The following LPCAT1 variants were observed in gnomAD, a reference collection of about 807,000 sequenced individuals.
LPCAT1 encodes the protein lysophosphatidylcholine acyltransferase 1.
LPCAT1 carries 23 observed loss-of-function variants against 60.9 expected under a neutral mutation model. That is an observed-to-expected ratio of 0.38 (90% CI 0.27 to 0.53). The LOEUF is 0.53. Ranked by LOEUF, LPCAT1 falls within the 20% of genes least tolerant of loss-of-function variation. LPCAT1 has a pLI of 0.82. For synonymous variants in LPCAT1, 340 were observed against 301.1 expected (o/e 1.13, Z -1.34); for missense variants, 622 against 723.6 (o/e 0.86, Z 1.61).
rs1273752451 is a variant in LPCAT1, at chr5:1,481,372, ACC to A, written c.727-398_727-397del. Among the ~76,000 whole-genome samples the A allele has an allele frequency of 2.6e-4, 39 of 152,266 alleles. No homozygotes were observed. The highest frequency in any genetic ancestry group is 8.9e-4 in the African/African-American group (37 of 41,536). ...CCTGGGGACACCAATTCCAGTGTGC[ACC>A]CGGGACCCCGGCCCTCTCCTGCCCA... On this transcript the variant is annotated intron_variant, in intron 6 of 13. Transcript: ENST00000283415. The surrounding 1 kb of genome is among the most constrained non-coding windows in gnomAD (Gnocchi z 7.8).
At chr5:1,497,378 G>A (rs971731624) in intron 2 of LPCAT1, among the ~76,000 whole-genome samples, 6 of 152,150 alleles carry the variant, frequency 3.9e-5, no homozygotes, top group South Asian at 2.1e-4. Flanking sequence ...AGGGGCAGGC[G>A]CAGGCCCCGG....
At chr5:1,509,700 A>G (rs1408550172) in intron 1 of LPCAT1, among the ~76,000 whole-genome samples, 3 of 152,206 alleles carry the variant, frequency 2.0e-5, no homozygotes, top group Admixed American at 6.5e-5. Flanking sequence ...CTTTATTCAT[A>G]TAACATGACT....
At chr5:1,467,555 C>G (rs536256029) in intron 12 of LPCAT1, among the ~76,000 whole-genome samples, 132 of 152,284 alleles carry the variant, frequency 8.7e-4, no homozygotes, top group African/African-American at 3.1e-3. Context: ...CGCCCGCTCC[C>G]CACAACTCCA....
At chr5:1,469,254 T>C (rs1734570694) in intron 12 of LPCAT1, among the ~76,000 whole-genome samples, 1 of 152,132 alleles carries the variant, frequency 6.6e-6, no homozygotes, top group Non-Finnish European at 1.5e-5. Context: ...GACCTCCTAG[T>C]GGCACATACC....
chr5:1,463,901 CTT>C, intron 13 of LPCAT1, 66 bp from the exon 14 acceptor site: 1 of 1,559,178 alleles, frequency 6.4e-7, no homozygotes, highest in Non-Finnish European at 8.8e-7. Flanking sequence ...TTTGGAGGCT[CTT>C]TTCCCACGGC....
chr5:1,466,827 C>G lies in LPCAT1; in HGVS notation c.1342G>C (p.Ala448Pro), dbSNP rs1263141946. Residue 448 changes from alanine (A) to proline (P), a missense_variant, in exon 13 of 14, where the codon GCC (alanine) becomes CCC (proline). Ala to Pro is a conservative substitution (Grantham distance 27). Coordinates refer to ENST00000283415, the MANE Select transcript of LPCAT1 (RefSeq NM_024830.5). ...EGDLSCILKT[A>P]LGVAELTVTD... ...ACGGTGAGCTCTGCCACCCCCAGGG[C>G]CGTCTTGAGGATGCAGGACAGGTCA... 6.2e-7 allele frequency: 1 copy of G among 1,613,542 alleles called. No homozygotes were observed. Among genetic ancestry groups the G allele is most frequent in the Non-Finnish European group, 8.5e-7 (1 of 1,179,636 alleles).
intron 3 of LPCAT1, among the ~76,000 whole-genome samples, chr5:1,494,364 C>A (rs1735698216): frequency 6.6e-6 from 1 of 152,156 alleles, no homozygotes; most frequent in Non-Finnish European, 1.5e-5. Flanking sequence ...AAATGGGGCA[C>A]AAGGCCAATG....
In LPCAT1 at chr5:1,483,928, G is replaced by GT. The variant is rs1473081128; in HGVS notation, c.668-443dup. Reference sequence around the variant, plus strand: ...CATCCGTGGAGGGACACTTTCTGCTGTAACATCGCGCACCAGCTGGAAGGC... The same window carrying GT: ...CATCCGTGGAGGGACACTTTCTGCTGTTAACATCGCGCACCAGCTGGAAGGC... On this transcript the variant is annotated intron_variant, in intron 5 of 13. Transcript: ENST00000283415. The surrounding 1 kb of genome is among the most constrained non-coding windows in gnomAD (Gnocchi z 9.2). 1.3e-5 allele frequency among the ~76,000 whole-genome samples: 2 copies of GT among 151,412 alleles called. No homozygotes were observed. The highest frequency in any genetic ancestry group is 2.4e-5 in the African/African-American group (1 of 41,022).
intron 13 of LPCAT1, among the ~76,000 whole-genome samples, chr5:1,464,715 A>ACG (rs1467125227): frequency 6.7e-6 from 1 of 148,712 alleles, no homozygotes; most frequent in African/African-American, 2.6e-5. Flanking sequence ...CAAAGAGCAC[A>ACG]CACGGTAAAC....
chr5:1,479,781 C>G, intron 7 of LPCAT1, 106 bp from the exon 8 acceptor site: 1 of 859,792 alleles, frequency 1.2e-6, no homozygotes, highest in East Asian at 2.6e-5. Flanking sequence ...CCAGAGGGCG[C>G]TACTGGGCAG....
chr5:1,512,382 T>C (rs73735503), intron 1 of LPCAT1, among the ~76,000 whole-genome samples: 9,926 of 152,192 alleles, frequency 0.065, 1,058 homozygotes, highest in African/African-American at 0.22. Context: ...CCAAGAGCAG[T>C]CCCACACTAG....
rs912707444 is a variant in LPCAT1, at chr5:1,495,733, G to T, written c.279-819C>A. On this transcript the variant is annotated intron_variant, in intron 2 of 13. Coordinates refer to ENST00000283415, the MANE Select transcript of LPCAT1 (RefSeq NM_024830.5). This position sits in a 1 kb window ranked among gnomAD's most constrained non-coding sequence, Gnocchi z 4.7. ...GAAGCCACGGCTCACTCGGCCACTG[G>T]GTTAAGTGGGCGCATCACACTGGGT... Among the ~76,000 whole-genome samples, 33 of 152,148 alleles carry T rather than the reference G, an allele frequency of 2.2e-4. No homozygotes were observed. The highest frequency in any genetic ancestry group is 7.7e-4 in the African/African-American group (32 of 41,424).
chr5:1,520,860 C>CAAAAAAAAAAAAAAAAAGAAA (rs1736651378), intron 1 of LPCAT1, among the ~76,000 whole-genome samples: 2 of 82,044 alleles, frequency 2.4e-5, no homozygotes, highest in Non-Finnish European at 2.3e-5. Context: ...GAGACTGTCT[C>CAAAAAAAAAAAAAAAAAGAAA]AAAAAAAAAA....
At position 1,521,098 on chromosome 5, in the gene LPCAT1, T is replaced by C. The variant is rs2126630141; in HGVS notation, c.135+2612A>G. On this transcript the variant is annotated intron_variant, in intron 1 of 13. Coordinates refer to ENST00000283415, the MANE Select transcript of LPCAT1 (RefSeq NM_024830.5). The surrounding 1 kb of genome is among the most constrained non-coding windows in gnomAD (Gnocchi z 4.3). Reference sequence around the variant, plus strand: ...ACCATTTACCGCTCTCTACTAAATCTATATCCTTGCTTTAGCCAGAGGATT... The same window carrying C: ...ACCATTTACCGCTCTCTACTAAATCCATATCCTTGCTTTAGCCAGAGGATT... 6.6e-6 allele frequency among the ~76,000 whole-genome samples: 1 copy of C among 152,328 alleles called. No homozygotes were observed. The highest frequency in any genetic ancestry group is 2.1e-4 in the South Asian group (1 of 4,826).
rs375558811 is a variant in LPCAT1 at position 1,487,174 on chromosome 5, G to A, written c.667+1217C>T. On this transcript the variant is annotated intron_variant, in intron 5 of 13. Transcript: ENST00000283415. This position sits in a 1 kb window ranked among gnomAD's most constrained non-coding sequence, Gnocchi z 6.1. Reference sequence around the variant, plus strand: ...ACCTTGTCAAGGAACAAGACCTGACGTACTTGCCAGCTGTCTTCTGCCTGG... The same window carrying A: ...ACCTTGTCAAGGAACAAGACCTGACATACTTGCCAGCTGTCTTCTGCCTGG... Among the ~76,000 whole-genome samples, 5 of 152,182 alleles carry A rather than the reference G, an allele frequency of 3.3e-5. No individual in the cohort carries two copies. Among genetic ancestry groups the A allele is most frequent in the East Asian group, 3.9e-4 (2 of 5,186 alleles).
chr5:1,500,594 G>A (rs1735968257), intron 2 of LPCAT1, among the ~76,000 whole-genome samples: 1 of 152,200 alleles, frequency 6.6e-6, no homozygotes, highest in Middle Eastern at 3.2e-3. Context: ...GGGCGGGGAA[G>A]GACCCGAGCC....
intron 1 of LPCAT1, among the ~76,000 whole-genome samples, chr5:1,514,217 G>A (rs1012023718): frequency 6.6e-5 from 10 of 152,252 alleles, no homozygotes; most frequent in Non-Finnish European, 1.2e-4. Context: ...CACAGGAGAT[G>A]CTGGGCACAA....
chr5:1,494,608 C>A (rs970138953), intron 3 of LPCAT1, 92 bp downstream of exon 3: 11 of 1,222,434 alleles, frequency 9.0e-6, no homozygotes, highest in Middle Eastern at 1.9e-4. Flanking sequence ...TCACTCCCAG[C>A]AGGAGGGGAA....
At chr5:1,515,234 C>T (rs552731049) in intron 1 of LPCAT1, among the ~76,000 whole-genome samples, 1 of 151,156 alleles carries the variant, frequency 6.6e-6, no homozygotes, top group South Asian at 2.1e-4. Context: ...CTTCCTACTC[C>T]GAACTGGCCG....
Sources: gnomAD v4.1 joint callset for allele counts (sites outside exome capture counted in the v4.1 genomes callset) on GRCh38, gnomAD v4.1.1 for gene constraint, Gnocchi (gnomAD v3.1) non-coding constraint, MANE v1.5 for transcripts, NCBI Gene and HGNC (gene_info 2026-07-23, HGNC 2026-07-21) for gene names.